The following ZNF704 variants were observed in gnomAD, a reference collection of about 807,000 sequenced individuals.
ZNF704 encodes glucocorticoid induced gene 1.
ZNF704 carries 10 observed loss-of-function variants against 44.7 expected under a neutral mutation model. The observed-to-expected ratio is 0.22, with a 90% CI of 0.14 to 0.38. ZNF704 has a LOEUF of 0.38. Ranked by LOEUF, ZNF704 falls within the 10% of genes least tolerant of loss-of-function variation. The probability of loss-of-function intolerance (pLI) is 1.00; values close to 1 mark genes in which losing one functional copy is unlikely to be tolerated. For synonymous variants in ZNF704, 211 were observed against 207.6 expected (o/e 1.02, Z -0.14); for missense variants, 390 against 545.5 (o/e 0.71, Z 2.84).
intron 2 of ZNF704, among the ~76,000 whole-genome samples, chr8:80,710,703 G>A (rs1323829821): frequency 6.6e-6 from 1 of 152,170 alleles, no homozygotes; most frequent in African/African-American, 2.4e-5. Context: ...TGCAAGCCAG[G>A]AAGAGGACCT....
In ZNF704 at chr8:80,632,233, T is replaced by C. The variant is rs1427389607; in HGVS notation, c.*9133A>G. On this transcript the variant is annotated 3_prime_UTR_variant, in exon 9 of 9. Transcript: ENST00000327835. ...CCAGGTGCAGCAGTGAAATCTTGGC[T>C]CACTGCAACCTCTGCCTGCAGTTTC... The C allele has an allele frequency of 1.3e-5, 2 of 152,232 alleles. No individual in the cohort carries two copies. Among genetic ancestry groups the C allele is most frequent in the Non-Finnish European group, 2.9e-5 (2 of 68,050 alleles). The allele number at this position is 152,232 out of a possible 1,614,324, so 9.4% of individuals were successfully genotyped here. A position where few individuals can be genotyped will look rare whatever the true frequency, so the allele number is the denominator to read the frequency against.
intron 2 of ZNF704, among the ~76,000 whole-genome samples, chr8:80,770,636 C>T (rs887521937): frequency 2.0e-5 from 3 of 152,096 alleles, no homozygotes; most frequent in Non-Finnish European, 4.4e-5. Flanking sequence ...AAATATTTTT[C>T]CCACTCTGCA....
chr8:80,876,663 G>C (rs141333785), upstream of ZNF704, among the ~76,000 whole-genome samples: 397 of 152,304 alleles, frequency 2.6e-3, 2 homozygotes, highest in Non-Finnish European at 2.3e-3. Context: ...TCTGTGAAAT[G>C]GGGATCATAG....
intron 1 of ZNF704, among the ~76,000 whole-genome samples, chr8:80,865,254 C>T (rs778445468): frequency 4.6e-5 from 7 of 152,088 alleles, no homozygotes; most frequent in Non-Finnish European, 8.8e-5. Flanking sequence ...ATTAAAAAAA[C>T]GATAGCCACT....
intron 2 of ZNF704, among the ~76,000 whole-genome samples, chr8:80,807,474 G>A (rs1223456134): frequency 6.6e-6 from 1 of 151,810 alleles, no homozygotes; most frequent in Non-Finnish European, 1.5e-5. Flanking sequence ...ATAAGCCTTG[G>A]GACAGCATAC....
chr8:80,867,111 A>C (rs1368435833), intron 1 of ZNF704, among the ~76,000 whole-genome samples: 3 of 152,106 alleles, frequency 2.0e-5, no homozygotes, highest in Non-Finnish European at 2.9e-5. Flanking sequence ...CACACCAGGG[A>C]CTATGGGCAC....
chr8:80,702,609 A>G (rs1295035565), intron 2 of ZNF704, among the ~76,000 whole-genome samples: 1 of 152,114 alleles, frequency 6.6e-6, no homozygotes, highest in Non-Finnish European at 1.5e-5. Context: ...TGGAGGGAAA[A>G]GATGGGGACA....
intron 2 of ZNF704, among the ~76,000 whole-genome samples, chr8:80,700,443 C>A (rs1406793795): frequency 6.6e-6 from 1 of 152,158 alleles, no homozygotes; most frequent in Admixed American, 6.5e-5. Context: ...ATAATACAGA[C>A]CTTAGAGGGT....
intron 1 of ZNF704, among the ~76,000 whole-genome samples, chr8:80,837,670 T>C (rs928189420): frequency 3.9e-5 from 6 of 152,220 alleles, no homozygotes; most frequent in Non-Finnish European, 8.8e-5. Flanking sequence ...ACAATCATGA[T>C]AATAAACACC....
chr8:80,812,862 T>G (rs1163417645), intron 2 of ZNF704, among the ~76,000 whole-genome samples: 1 of 152,266 alleles, frequency 6.6e-6, no homozygotes, highest in Non-Finnish European at 1.5e-5. Context: ...TGGTTATTAC[T>G]TGCCTTTCTA....
intron 2 of ZNF704, among the ~76,000 whole-genome samples, chr8:80,726,691 C>T (rs943277405): frequency 1.3e-4 from 20 of 152,054 alleles, no homozygotes; most frequent in African/African-American, 4.6e-4. Flanking sequence ...AATATTGATC[C>T]TATTTCAGTG....
At chr8:80,872,972 C>G (rs914946864) in intron 1 of ZNF704, among the ~76,000 whole-genome samples, 1 of 152,118 alleles carries the variant, frequency 6.6e-6, no homozygotes, top group Non-Finnish European at 1.5e-5. Flanking sequence ...CATGTGGAAA[C>G]CAAGGGCTTG....
chr8:80,707,762 T>C (rs750521242), intron 2 of ZNF704, among the ~76,000 whole-genome samples: 1 of 152,220 alleles, frequency 6.6e-6, no homozygotes, highest in Non-Finnish European at 1.5e-5. Flanking sequence ...TTTTCTAGGG[T>C]GTGTATAGTC....
rs1817634719 is a variant in ZNF704 at position 80,634,385 on chromosome 8, C to T, written c.*6981G>A. 6.6e-6 allele frequency: 1 copy of T among 152,144 alleles called. No homozygotes were observed. The highest frequency in any genetic ancestry group is 1.5e-5 in the Non-Finnish European group (1 of 68,042). The allele number at this position is 152,144 out of a possible 1,614,324, so 9.4% of individuals were successfully genotyped here. ...TTTCCCCTCTTTTATTTTAGTTGCC[C>T]AGATAGTGCCGACATGTGAGTTTGT... On this transcript the variant is annotated 3_prime_UTR_variant, in exon 9 of 9. Coordinates refer to ENST00000327835, the MANE Select transcript of ZNF704 (RefSeq NM_001033723.3).
intron 7 of ZNF704, among the ~76,000 whole-genome samples, chr8:80,651,140 C>T (rs1396124189): frequency 2.0e-5 from 3 of 152,220 alleles, no homozygotes; most frequent in Non-Finnish European, 1.5e-5. Flanking sequence ...ACCACCAGGC[C>T]TGCCCTAAAA....
chr8:80,832,028 C>T (rs1410917515), intron 1 of ZNF704, among the ~76,000 whole-genome samples: 1 of 152,216 alleles, frequency 6.6e-6, no homozygotes, highest in African/African-American at 2.4e-5. Context: ...CACAGACATA[C>T]ACATTATCCC....
Position 80,871,871 on chromosome 8 carries a change from G to A in ZNF704, c.-22+2700C>T, listed in dbSNP as rs142963966. Among the ~76,000 whole-genome samples, 514 of 152,274 alleles carry A rather than the reference G, an allele frequency of 3.4e-3. 4 individuals are homozygous for A. Among genetic ancestry groups the A allele is most frequent in the African/African-American group, 0.012 (486 of 41,560 alleles). On this transcript the variant is annotated intron_variant, in intron 1 of 8. Coordinates refer to ENST00000327835, the MANE Select transcript of ZNF704 (RefSeq NM_001033723.3). ...TAAATTTCTGAAGTTGTGGGCAAAT[G>A]AGAGTGTTATAAAATGAAGCCCATT...
chr8:80,816,884 T>C (rs1372868681), intron 2 of ZNF704, among the ~76,000 whole-genome samples: 1 of 152,154 alleles, frequency 6.6e-6, no homozygotes, highest in Non-Finnish European at 1.5e-5. Context: ...AAAAAGAAAG[T>C]AGTGCTTTTC....
At chr8:80,853,585 G>C (rs1013261177) in intron 1 of ZNF704, among the ~76,000 whole-genome samples, 1 of 151,828 alleles carries the variant, frequency 6.6e-6, no homozygotes, top group African/African-American at 2.4e-5. Flanking sequence ...CGAAACTATA[G>C]AAATCAAGAA....
Sources: allele counts gnomAD v4.1 joint callset (sites outside exome capture counted in the v4.1 genomes callset), GRCh38; gene constraint gnomAD v4.1.1; transcripts MANE v1.5; gene names NCBI Gene and HGNC (gene_info 2026-07-23, HGNC 2026-07-21).